Variants in OTUD7A observed in about 807,000 individuals in gnomAD.
OTUD7A encodes the protein OTU domain-containing protein 7A.
OTUD7A carries 12 observed loss-of-function variants against 65.7 expected under a neutral mutation model. The observed-to-expected ratio is 0.18, with a 90% CI of 0.12 to 0.30. The LOEUF (loss-of-function observed/expected upper bound fraction) is 0.30, where lower values mean the gene tolerates loss of function less well. OTUD7A is among the 10% of genes least tolerant of loss of function. OTUD7A has a pLI of 1.00. For synonymous variants in OTUD7A, 641 were observed against 586.3 expected, an observed-to-expected ratio of 1.09 and a Z score of -1.35; for missense variants, 1,148 against 1,304.8, an observed-to-expected ratio of 0.88 and a Z score of 1.85.
intron 1 of OTUD7A, among the ~76,000 whole-genome samples, chr15:31,718,874 C>T (rs1402264056): frequency 7.0e-6 from 1 of 143,550 alleles, no homozygotes; most frequent in East Asian, 2.0e-4. Flanking sequence ...ACATGAGGAA[C>T]TCAATACATG....
intron 1 of OTUD7A, among the ~76,000 whole-genome samples, chr15:31,808,775 C>T (rs1160008620): frequency 6.6e-6 from 1 of 152,230 alleles, no homozygotes; most frequent in African/African-American, 2.4e-5. Context: ...TCCCCTGAGC[C>T]TCACATCTGC....
At chr15:31,621,726 C>T (rs1351804176) in intron 3 of OTUD7A, among the ~76,000 whole-genome samples, 1 of 151,490 alleles carries the variant, frequency 6.6e-6, no homozygotes, top group Non-Finnish European at 1.5e-5. Context: ...TCCTATTTGC[C>T]AGTCCGTGTC....
chr15:31,788,397 T>C (rs1895729289), intron 1 of OTUD7A, among the ~76,000 whole-genome samples: 1 of 152,254 alleles, frequency 6.6e-6, no homozygotes, highest in South Asian at 2.1e-4. Flanking sequence ...ATGGCCATGT[T>C]TGCCATGTCT....
intron 3 of OTUD7A, among the ~76,000 whole-genome samples, chr15:31,631,264 G>A (rs1461172607): frequency 6.6e-6 from 1 of 152,156 alleles, no homozygotes; most frequent in Non-Finnish European, 1.5e-5. Context: ...TCCTTTAAGA[G>A]CTCTTTTAGG....
chr15:31,545,485 G>T (rs58225563), intron 5 of OTUD7A, among the ~76,000 whole-genome samples: 4,199 of 152,026 alleles, frequency 0.028, 196 homozygotes, highest in African/African-American at 0.095. Flanking sequence ...GAACCAGTAG[G>T]GTGGGTGAAG....
chr15:31,491,187 A>G (rs970264833), intron 10 of OTUD7A, among the ~76,000 whole-genome samples: 2 of 152,234 alleles, frequency 1.3e-5, no homozygotes, highest in African/African-American at 4.8e-5. Flanking sequence ...AACAAGACTC[A>G]GATATGACAC....
rs542861389 is a variant in OTUD7A at position 31,742,234 on chromosome 15, T to C, written c.-99-85157A>G. Among the ~76,000 whole-genome samples, 28 of 152,162 alleles carry C rather than the reference T, an allele frequency of 1.8e-4. 1 individual carries two copies. Among genetic ancestry groups the C allele is most frequent in the African/African-American group, 4.6e-4 (19 of 41,560 alleles). On this transcript the variant is annotated intron_variant, in intron 1 of 12. Coordinates refer to ENST00000307050, the MANE Select transcript of OTUD7A (RefSeq NM_001382637.1). The stretch of plus-strand genomic sequence containing the variant: ...AGCACATAATCTTGGAATGGAAATG[T>C]GACAAGAAGTAGTAAGAAAAAAGAA...
intron 10 of OTUD7A, among the ~76,000 whole-genome samples, chr15:31,496,501 C>CAT (rs1272110224): frequency 6.6e-6 from 1 of 152,138 alleles, no homozygotes; most frequent in East Asian, 1.9e-4. Flanking sequence ...GGATTACAGG[C>CAT]ATGAGCCACC....
At chr15:31,618,496 T>C (rs76990282) in intron 3 of OTUD7A, among the ~76,000 whole-genome samples, 7,597 of 152,048 alleles carry the variant, frequency 0.05, 375 homozygotes, top group African/African-American at 0.13. Flanking sequence ...TGGTATCTCG[T>C]TGTGGTTTTG....
At chr15:31,781,429 C>T (rs1316190450) in intron 1 of OTUD7A, among the ~76,000 whole-genome samples, 1 of 152,116 alleles carries the variant, frequency 6.6e-6, no homozygotes, top group Admixed American at 6.5e-5. Flanking sequence ...AGCTGGGGTC[C>T]CAGACATCAT....
intron 1 of OTUD7A, among the ~76,000 whole-genome samples, chr15:31,818,566 G>A (rs1448831090): frequency 6.6e-6 from 1 of 152,174 alleles, no homozygotes; most frequent in Non-Finnish European, 1.5e-5. Context: ...GGGCAGAGAG[G>A]TGATGTGCCT....
chr15:31,698,486 A>T (rs1893135258), intron 1 of OTUD7A, among the ~76,000 whole-genome samples: 1 of 152,232 alleles, frequency 6.6e-6, no homozygotes, highest in Admixed American at 6.5e-5. Context: ...TTTGTTAAAA[A>T]TGCAAGTTCC....
intron 3 of OTUD7A, among the ~76,000 whole-genome samples, chr15:31,587,264 C>T (rs934050032): frequency 2.6e-5 from 4 of 152,148 alleles, no homozygotes; most frequent in Non-Finnish European, 4.4e-5. Flanking sequence ...TTGCCAGAGG[C>T]TTCTGGTTCC....
At chr15:31,515,237 T>G (rs558189926) in intron 8 of OTUD7A, among the ~76,000 whole-genome samples, 40 of 152,132 alleles carry the variant, frequency 2.6e-4, no homozygotes, top group Non-Finnish European at 5.0e-4. Context: ...GTACTAATAC[T>G]GAGAAGCGGG....
chr15:31,604,870 C>T (rs1488639049), intron 3 of OTUD7A, among the ~76,000 whole-genome samples: 1 of 152,110 alleles, frequency 6.6e-6, no homozygotes, highest in Non-Finnish European at 1.5e-5. Context: ...CCCTGGAGTC[C>T]AGACTGGCTA....
At chr15:31,653,886 C>G (rs1190322033) in intron 3 of OTUD7A, among the ~76,000 whole-genome samples, 4 of 149,088 alleles carry the variant, frequency 2.7e-5, no homozygotes, top group Non-Finnish European at 4.5e-5. Flanking sequence ...GTCTTCTATA[C>G]TTTTTTGAGC....
At chr15:31,675,176 C>T (rs1892568881) in intron 1 of OTUD7A, among the ~76,000 whole-genome samples, 1 of 151,856 alleles carries the variant, frequency 6.6e-6, no homozygotes, top group South Asian at 2.1e-4. Flanking sequence ...GCAAATGAGT[C>T]CATAACACAG....
intron 4 of OTUD7A, among the ~76,000 whole-genome samples, chr15:31,569,633 A>C (rs924334265): frequency 6.6e-6 from 1 of 152,216 alleles, no homozygotes; most frequent in South Asian, 2.1e-4. Flanking sequence ...AAAAGGATAG[A>C]GAAGATGGAG....
chr15:31,820,321 G>C (rs949287856), intron 1 of OTUD7A, among the ~76,000 whole-genome samples: 1 of 152,188 alleles, frequency 6.6e-6, no homozygotes, highest in African/African-American at 2.4e-5. Context: ...TGCCTTCAAA[G>C]TTTCAAGTAA....
Sources: gnomAD v4.1 joint callset for allele counts (sites outside exome capture counted in the v4.1 genomes callset) on GRCh38, gnomAD v4.1.1 for gene constraint, MANE v1.5 for transcripts, NCBI Gene and HGNC (gene_info 2026-07-23, HGNC 2026-07-21) for gene names.